Variants in GNL3 observed in about 807,000 individuals in gnomAD.
The protein encoded by GNL3 is G protein nucleolar 3, also known as guanine nucleotide-binding protein-like 3.
In GNL3, 77 loss-of-function variants were observed where a neutral mutation model predicts 70.6. The observed-to-expected ratio is 1.09, with a 90% CI of 0.91 to 1.32. GNL3 has a LOEUF of 1.32. Among genes scored for constraint, GNL3 ranks in the 40% most tolerant of loss-of-function variants. The pLI is 0.00. For synonymous variants in GNL3, 252 were observed against 216.1 expected (o/e 1.17, Z -1.46); for missense variants, 634 against 644.0 (o/e 0.98, Z 0.17).
chr3:52,685,985 G>A (rs1277140049), upstream of GNL3: 12 of 763,228 alleles, frequency 1.6e-5, no homozygotes, highest in Non-Finnish European at 2.7e-5. Flanking sequence ...AGGCGGTGAC[G>A]CACTTTACGG....
intron 4 of GNL3, 82 bp downstream of exon 4, chr3:52,687,697 A>G (rs1578571875): frequency 1.3e-6 from 1 of 782,958 alleles, no homozygotes; most frequent in Non-Finnish European, 2.2e-6. Context: ...CAGTGGCACA[A>G]TCACAACTCA....
intron 2 of GNL3, 82 bp from the exon 3 acceptor site, chr3:52,687,164 C>A: frequency 8.5e-7 from 1 of 1,180,246 alleles, no homozygotes; most frequent in Non-Finnish European, 1.2e-6. Context: ...AACTAAATTG[C>A]AGCCAGATTG....
intron 4 of GNL3, chr3:52,687,879 T>G (rs1207550963): frequency 1.9e-5 from 11 of 591,888 alleles, no homozygotes; most frequent in Non-Finnish European, 3.3e-5. Context: ...TCCCGAAGTT[T>G]CTGGTATTAC....
chr3:52,691,697 A>AGGT, intron 9 of GNL3, 68 bp downstream of exon 9: 1 of 824,856 alleles, frequency 1.2e-6, no homozygotes, highest in Non-Finnish European at 2.0e-6. Flanking sequence ...ATCTCAAGGA[A>AGGT]GGTGATTTTT....
intron 7 of GNL3, 115 bp from the exon 8 acceptor site, chr3:52,690,830 C>A: frequency 1.7e-6 from 2 of 1,198,002 alleles, no homozygotes; most frequent in Non-Finnish European, 2.4e-6. Context: ...AGCCAGAGAT[C>A]ATCTGAAAGG....
chr3:52,689,845 G>A lies in GNL3; in HGVS notation c.541+639G>A, dbSNP rs532616791. Reference sequence around the variant, plus strand: ...TGGGCACTTGTAGTCCCAGCTACTCGGAAGGCTGAGGCAGGAGAATTGCTT... The same window carrying A: ...TGGGCACTTGTAGTCCCAGCTACTCAGAAGGCTGAGGCAGGAGAATTGCTT... On this transcript the variant is annotated intron_variant, in intron 6 of 14. Transcript: ENST00000418458. Among the ~76,000 whole-genome samples the A allele has an allele frequency of 1.2e-4, 18 of 152,206 alleles. 1 individual carries two copies. The South Asian group carries it at 3.3e-3, about 28-fold the overall frequency.
chr3:52,688,055 A>G (rs2154099442), intron 4 of GNL3, 54 bp from the exon 5 acceptor site: 1 of 953,612 alleles, frequency 1.0e-6, no homozygotes, highest in African/African-American at 1.6e-5. Context: ...ATGGAGTTAG[A>G]GGTTACAGTT....
rs372150330 is a variant in GNL3, at chr3:52,687,314, C to A, written c.141C>A (p.Asp47Glu). The stretch of plus-strand genomic sequence containing the variant: ...GGGGTCACAAGAAGCCTAGGAAAGA[C>A]CCAGGAGTTCCAAACAGTGCTCCCT... ...KKRGHKKPRK[D>E]PGVPNSAPFK... is the part of the protein sequence containing the mutation. Residue 47 changes from aspartate (D) to glutamate (E), a missense_variant, in exon 3 of 15, where the codon GAC becomes GAA. By Grantham distance (45) the Asp-to-Glu change is conservative. Coordinates refer to ENST00000418458, the MANE Select transcript of GNL3 (RefSeq NM_014366.5). 9 of 1,612,534 alleles carry A rather than the reference C, an allele frequency of 5.6e-6. No homozygotes were observed. In the Admixed American group the frequency reaches 1.5e-4, roughly 27 times the overall value.
chr3:52,687,191 C>T, intron 2 of GNL3, 55 bp from the exon 3 acceptor site: 1 of 1,474,496 alleles, frequency 6.8e-7, no homozygotes, highest in Non-Finnish European at 9.4e-7. Flanking sequence ...CACTTGAATT[C>T]TGCTTAAGTA....
At chr3:52,691,101 T>G in intron 8 of GNL3, 30 bp downstream of exon 8, 1 of 1,603,530 alleles carries the variant, frequency 6.2e-7, no homozygotes, top group Non-Finnish European at 8.5e-7. Flanking sequence ...TTTTTACTTT[T>G]TAAGTGTTGA....
chr3:52,692,739 G>T (rs778419141), intron 9 of GNL3, 133 bp from the exon 10 acceptor site: 4 of 780,178 alleles, frequency 5.1e-6, no homozygotes, highest in Admixed American at 3.4e-5. Flanking sequence ...TTAGATAAAT[G>T]TGAAGCAAAT....
chr3:52,686,882 C>T, intron 2 of GNL3, 55 bp downstream of exon 2: 1 of 1,342,928 alleles, frequency 7.4e-7, no homozygotes, highest in Admixed American at 1.7e-5. Flanking sequence ...CTGATTTTGC[C>T]CTGTTCCTTT....
Position 52,687,610 on chromosome 3 carries a change from GA to G in GNL3, c.323del (p.Lys108ArgfsTer30). 3 of 1,569,176 alleles carry G rather than the reference GA, an allele frequency of 1.9e-6. No individual in the cohort carries two copies. Among genetic ancestry groups the G allele is most frequent in the Non-Finnish European group, 2.6e-6 (3 of 1,139,364 alleles). ...DIKPSNVEPM[E>X]KEFGLCKTEN... ...TAAGCCATCAAATGTGGAACCTATG[GA>G]AAAGGTATGATTAGGTCTCTTTATG... On this transcript the variant is annotated frameshift_variant, in exon 4 of 15. Transcript: ENST00000418458. LOFTEE classifies it high-confidence loss of function.
chr3:52,688,041 G>A (rs577560637), intron 4 of GNL3, 68 bp from the exon 5 acceptor site: 22 of 879,476 alleles, frequency 2.5e-5, no homozygotes, highest in Non-Finnish European at 3.7e-5. Context: ...CTCAGCTGTG[G>A]AAAATGGAGT....
At position 52,693,758 on chromosome 3, in the gene GNL3, G is replaced by A; in HGVS notation, c.1451G>A (p.Arg484Lys). The A allele has an allele frequency of 6.2e-7, 1 of 1,614,076 alleles. No individual in the cohort carries two copies. Among genetic ancestry groups the A allele is most frequent in the Non-Finnish European group, 8.5e-7 (1 of 1,179,950 alleles). ...PKRKERKQEEREDDKDSDQET... is the reference protein window; with the variant it reads ...PKRKERKQEEKEDDKDSDQET... Reference sequence around the variant, plus strand: ...CGGAAAGAAAGGAAGCAGGAGGAGAGGGAGGATGACAAAGACAGTGACCAG... The same window carrying A: ...CGGAAAGAAAGGAAGCAGGAGGAGAAGGAGGATGACAAAGACAGTGACCAG... Residue 484 changes from arginine (R) to lysine (K), a missense_variant, in exon 13 of 15, where the codon AGG becomes AAG. Physicochemically the swap from Arg to Lys is conservative, Grantham distance 26. Coordinates refer to ENST00000418458, the MANE Select transcript of GNL3 (RefSeq NM_014366.5).
At position 52,693,487 on chromosome 3, in the gene GNL3, A is replaced by G. The variant is rs898981085; in HGVS notation, c.1267A>G (p.Met423Val). 1.2e-6 allele frequency: 2 copies of G among 1,614,180 alleles called. No individual in the cohort carries two copies. The highest frequency in any genetic ancestry group is 1.7e-6 in the Non-Finnish European group (2 of 1,180,012). The change falls in exon 12 of 15, where the codon ATG becomes GTG. Residue 423 changes from methionine to valine, a missense_variant. Coordinates refer to ENST00000418458, the MANE Select transcript of GNL3 (RefSeq NM_014366.5). ...TTTTAATGAGAGTATTGTGGTAGAC[A>G]TGAAAAGCGGCTTCAATCTGGAAGA... ...PYFNESIVVD[M>V]KSGFNLEELE...
intron 8 of GNL3, 56 bp downstream of exon 8, chr3:52,691,127 T>C: frequency 8.0e-6 from 12 of 1,508,950 alleles, no homozygotes; most frequent in Non-Finnish European, 1.1e-5. Context: ...TTAAGAAGTT[T>C]AGCCAGCTCT....
At position 52,688,170 on chromosome 3, in the gene GNL3, T is replaced by G; in HGVS notation, c.386T>G (p.Leu129Arg). 6.2e-7 allele frequency: 1 copy of G among 1,607,502 alleles called. No homozygotes were observed. The highest frequency in any genetic ancestry group is 1.1e-5 in the South Asian group (1 of 90,938). The stretch of plus-strand genomic sequence containing the variant: ...TCGGGCAAACAGAATTCAAAGAAGC[T>G]GTACTGCCAAGAACTTAAAAAGGTA... ...AKSGKQNSKK[L>R]YCQELKKVIE... The change falls in exon 5 of 15, where the codon CTG becomes CGG. Residue 129 changes from leucine (L) to arginine (R), a missense_variant. Leu to Arg is a moderately radical substitution (Grantham distance 102, BLOSUM62 -2). Transcript: ENST00000418458.
In GNL3 at chr3:52,691,592, C is replaced by T; in HGVS notation, c.832C>T (p.Gln278Ter). The T allele has an allele frequency of 6.2e-7, 1 of 1,602,106 alleles. No homozygotes were observed. The highest frequency in any genetic ancestry group is 8.5e-7 in the Non-Finnish European group (1 of 1,169,826). ...SSIINSLKQE[Q>*]MCNVGVSMGL... ...CATTATCAATAGCTTAAAACAAGAACAGATGTGTAATGTTGGTGTATCCAT... is the reference window on the plus strand; with the variant it reads ...CATTATCAATAGCTTAAAACAAGAATAGATGTGTAATGTTGGTGTATCCAT... The change falls in exon 9 of 15, where the codon CAG becomes TAG. Residue 278 changes from glutamine (Q) to a stop codon, truncating the protein, a stop_gained. Coordinates refer to ENST00000418458, the MANE Select transcript of GNL3 (RefSeq NM_014366.5). LOFTEE classifies it high-confidence loss of function.
Sources: allele counts gnomAD v4.1 joint callset (sites outside exome capture counted in the v4.1 genomes callset), GRCh38; gene constraint gnomAD v4.1.1; transcripts MANE v1.5; gene names NCBI Gene and HGNC (gene_info 2026-07-23, HGNC 2026-07-21).